MTSS1: variants seen among roughly 807,000 people sequenced by gnomAD.
The protein encoded by MTSS1 is protein MTSS 1.
In MTSS1, 18 loss-of-function variants were observed where a neutral mutation model predicts 79.0. The observed-to-expected ratio is 0.23, with a 90% CI of 0.16 to 0.34. The LOEUF is 0.34. Ranked by LOEUF, MTSS1 falls within the 10% of genes least tolerant of loss-of-function variation. The pLI, the probability that MTSS1 is intolerant of heterozygous loss-of-function variation, is 1.00. For missense variants in MTSS1, 815 were observed against 986.2 expected, an observed-to-expected ratio of 0.83 and a Z score of 2.33; for synonymous variants, 341 against 368.6, an observed-to-expected ratio of 0.93 and a Z score of 0.86.
intron 3 of MTSS1, among the ~76,000 whole-genome samples, chr8:124,608,403 G>A (rs1222924569): frequency 6.6e-6 from 1 of 152,230 alleles, no homozygotes; most frequent in Non-Finnish European, 1.5e-5. Flanking sequence ...ACTGGAGCCA[G>A]GGTAACATCA....
At chr8:124,612,574 ATGTGTGTGTGTG>A (rs58367314) in intron 3 of MTSS1, among the ~76,000 whole-genome samples, 3,768 of 99,590 alleles carry the variant, frequency 0.038, 130 homozygotes, top group East Asian at 0.1. Context: ...CAAGTTTAAA[ATGTGTGTGTGTG>A]TGTGTGTGTG....
At chr8:124,604,258 T>C (rs1195140217) in intron 3 of MTSS1, among the ~76,000 whole-genome samples, 1 of 151,942 alleles carries the variant, frequency 6.6e-6, no homozygotes, top group Non-Finnish European at 1.5e-5. Context: ...AAAAACCGTT[T>C]CAAGAAAGTT....
intron 1 of MTSS1, among the ~76,000 whole-genome samples, chr8:124,705,411 C>A (rs183091019): frequency 6.6e-6 from 1 of 152,108 alleles, no homozygotes; most frequent in Non-Finnish European, 1.5e-5. Context: ...ATGGAGGTTA[C>A]GGTGAGCTGA....
intron 6 of MTSS1, among the ~76,000 whole-genome samples, chr8:124,569,377 G>A (rs1827258440): frequency 6.6e-6 from 1 of 152,202 alleles, no homozygotes; most frequent in African/African-American, 2.4e-5. Flanking sequence ...CATATTGCCT[G>A]TACCAGTTCT....
intron 4 of MTSS1, 41 bp downstream of exon 4, chr8:124,591,110 T>A: frequency 6.5e-7 from 1 of 1,543,006 alleles, no homozygotes; most frequent in Non-Finnish European, 9.0e-7. Flanking sequence ...ACCTGAAATC[T>A]GCAAGGGTGT....
At chr8:124,605,317 A>T (rs994500637) in intron 3 of MTSS1, among the ~76,000 whole-genome samples, 1 of 152,206 alleles carries the variant, frequency 6.6e-6, no homozygotes, top group African/African-American at 2.4e-5. Flanking sequence ...TCATTTTCTT[A>T]GTTCACAAAA....
intron 3 of MTSS1, chr8:124,673,151 T>G (rs907461747): frequency 5.3e-5 from 8 of 152,012 alleles, no homozygotes; most frequent in African/African-American, 1.9e-4. Context: ...ACAGGAGATA[T>G]GAAGAAGGGA....
intron 4 of MTSS1, among the ~76,000 whole-genome samples, chr8:124,590,446 C>T (rs77666937): frequency 0.018 from 2,710 of 152,256 alleles, 87 homozygotes; most frequent in African/African-American, 0.062. Context: ...TAAATATACA[C>T]TAAGTATGCA....
intron 3 of MTSS1, among the ~76,000 whole-genome samples, chr8:124,654,643 G>A (rs1563939775): frequency 1.3e-5 from 2 of 152,136 alleles, no homozygotes; most frequent in South Asian, 2.1e-4. Flanking sequence ...CTAACCCAGC[G>A]TAATTGCTAC....
At chr8:124,699,670 T>C in intron 2 of MTSS1, 71 bp from the exon 3 acceptor site, 2 of 1,369,384 alleles carry the variant, frequency 1.5e-6, no homozygotes, top group Non-Finnish European at 2.1e-6. Context: ...GCTCAAGGCC[T>C]AAAACCTCTG....
intron 13 of MTSS1, among the ~76,000 whole-genome samples, chr8:124,554,778 A>G (rs10956189): frequency 0.16 from 24,278 of 152,284 alleles, 2,424 homozygotes; most frequent in Admixed American, 0.25. Context: ...TACCTACCCC[A>G]TAAGTGGCTG....
At chr8:124,624,512 T>C (rs1414866723) in intron 3 of MTSS1, among the ~76,000 whole-genome samples, 1 of 152,094 alleles carries the variant, frequency 6.6e-6, no homozygotes, top group African/African-American at 2.4e-5. Context: ...CTATTCAGCC[T>C]GGCAGCTCCA....
chr8:124,635,629 T>C (rs1045073244), intron 3 of MTSS1, among the ~76,000 whole-genome samples: 23 of 152,188 alleles, frequency 1.5e-4, no homozygotes, highest in Admixed American at 6.5e-5. Context: ...CCATCTGCCA[T>C]GCTAAGTTGC....
At chr8:124,709,863 C>T (rs1489284616) in intron 1 of MTSS1, among the ~76,000 whole-genome samples, 1 of 152,226 alleles carries the variant, frequency 6.6e-6, no homozygotes, top group East Asian at 1.9e-4. Flanking sequence ...GCTGTCACTA[C>T]CCAGCTGTGA....
chr8:124,656,311 G>A (rs1820929421), intron 3 of MTSS1, among the ~76,000 whole-genome samples: 1 of 151,962 alleles, frequency 6.6e-6, no homozygotes, highest in African/African-American at 2.4e-5. Context: ...GTAGAGCTAG[G>A]GAGACCAGCT....
chr8:124,568,915 G>C, intron 6 of MTSS1: 3 of 1,322,412 alleles, frequency 2.3e-6, no homozygotes, highest in Non-Finnish European at 2.9e-6. Flanking sequence ...TGGAAACAAG[G>C]TAAGAGCCTG....
At chr8:124,653,200 C>G (rs565467515) in intron 3 of MTSS1, among the ~76,000 whole-genome samples, 47 of 152,218 alleles carry the variant, frequency 3.1e-4, no homozygotes, top group Non-Finnish European at 5.0e-4. Flanking sequence ...CAACCAATTC[C>G]TGTGCCAACA....
At chr8:124,564,722 C>CACACACACACACACA (rs1563758680) in intron 9 of MTSS1, 1 of 150,712 alleles carries the variant, frequency 6.6e-6, no homozygotes, top group Admixed American at 6.6e-5. Flanking sequence ...CACACACAGT[C>CACACACACACACACA]GACAGAAGAT....
chr8:124,577,543 G>A (rs898391164), intron 6 of MTSS1: 8 of 518,192 alleles, frequency 1.5e-5, no homozygotes, highest in Non-Finnish European at 3.1e-5. Flanking sequence ...GGCCTTGGAG[G>A]AGATTTCTGA....
Sources: gnomAD v4.1 joint callset for allele counts (sites outside exome capture counted in the v4.1 genomes callset) on GRCh38, gnomAD v4.1.1 for gene constraint, MANE v1.5 for transcripts, NCBI Gene and HGNC (gene_info 2026-07-23, HGNC 2026-07-21) for gene names.